The following ATP10A variants were observed in gnomAD, a reference collection of about 807,000 sequenced individuals.
The protein encoded by ATP10A is phospholipid-transporting ATPase VA.
Under a neutral mutation model 147.8 loss-of-function variants are expected in ATP10A, and 111 were observed. The observed-to-expected ratio is 0.75, with a 90% confidence interval of 0.64 to 0.88. The LOEUF is 0.88. Ranked by LOEUF, ATP10A falls within the 40% of genes least tolerant of loss-of-function variation. The probability of loss-of-function intolerance (pLI) is 0.00; values close to 1 mark genes in which losing one functional copy is unlikely to be tolerated. For missense variants in ATP10A, 1,927 were observed against 1,959.0 expected (o/e 0.98, Z 0.31); for synonymous variants, 875 against 841.6 (o/e 1.04, Z -0.69).
At position 25,688,815 on chromosome 15, in the gene ATP10A, A is replaced by G. The variant is rs571382458; in HGVS notation, c.3166-987T>C. ...TTCTGAACCAAAAGTTAAGGATTTC[A>G]AAGCAAATGTCCCTCTACCTCTTGC... On this transcript the variant is annotated intron_variant, in intron 15 of 20. Transcript: ENST00000555815. Among the ~76,000 whole-genome samples, 3 of 152,356 alleles carry G rather than the reference A, an allele frequency of 2.0e-5. No individual in the cohort carries two copies. The East Asian group carries it at 5.8e-4, about 29-fold the overall frequency.
At chr15:25,829,404 GTCTTAAATA>G (rs1362112463) in intron 1 of ATP10A, among the ~76,000 whole-genome samples, 1 of 152,152 alleles carries the variant, frequency 6.6e-6, no homozygotes, top group Non-Finnish European at 1.5e-5. Flanking sequence ...CAGGAAAAAT[GTCTTAAATA>G]TGTGAATAAA....
At position 25,799,244 on chromosome 15, in the gene ATP10A, T is replaced by A. The variant is rs1367168021; in HGVS notation, c.450-18021A>T. Among the ~76,000 whole-genome samples, 3 of 152,204 alleles carry A rather than the reference T, an allele frequency of 2.0e-5. No individual in the cohort carries two copies. The East Asian group carries it at 5.8e-4, about 29-fold the overall frequency. ...CCAGAAAGGTGAGCAGCTTTCATCC[T>A]GGGCTCTCCCCTCTCACATCCCTGC... On this transcript the variant is annotated intron_variant, in intron 1 of 20. Transcript: ENST00000555815.
intron 1 of ATP10A, among the ~76,000 whole-genome samples, chr15:25,806,145 C>A (rs1383122691): frequency 6.6e-6 from 1 of 152,086 alleles, no homozygotes; most frequent in Admixed American, 6.5e-5. Flanking sequence ...GTGTGCCTGG[C>A]TCTCCTGCCT....
intron 1 of ATP10A, chr15:25,862,128 T>C (rs540720676): frequency 1.6e-5 from 6 of 373,522 alleles, no homozygotes; most frequent in African/African-American, 1.3e-4. Flanking sequence ...TTATTTCCCC[T>C]GCCCTGGTAC....
At chr15:25,808,081 CTT>C (rs1237074603) in intron 1 of ATP10A, among the ~76,000 whole-genome samples, 1 of 152,188 alleles carries the variant, frequency 6.6e-6, no homozygotes, top group African/African-American at 2.4e-5. Context: ...AGATTTAACT[CTT>C]TGTTTTCATG....
chr15:25,804,673 T>C (rs548006210), intron 1 of ATP10A, among the ~76,000 whole-genome samples: 2 of 152,266 alleles, frequency 1.3e-5, no homozygotes, highest in South Asian at 4.1e-4. Context: ...AGCATCTCAC[T>C]CCTGTGAGCT....
chr15:25,798,051 A>T (rs1208355796), intron 1 of ATP10A, among the ~76,000 whole-genome samples: 1 of 152,090 alleles, frequency 6.6e-6, no homozygotes, highest in Non-Finnish European at 1.5e-5. Flanking sequence ...AGGGTCACAA[A>T]TCTGGAATCC....
intron 1 of ATP10A, among the ~76,000 whole-genome samples, chr15:25,827,692 T>C (rs905888202): frequency 6.6e-6 from 1 of 152,012 alleles, no homozygotes; most frequent in Non-Finnish European, 1.5e-5. Flanking sequence ...CACAAGCAAA[T>C]ATCTATTTGA....
chr15:25,796,873 C>T (rs1175958554), intron 1 of ATP10A, among the ~76,000 whole-genome samples: 1 of 152,146 alleles, frequency 6.6e-6, no homozygotes, highest in Non-Finnish European at 1.5e-5. Context: ...ATTTTAATTG[C>T]CAAATAATAA....
At chr15:25,826,932 A>C (rs1005188177) in intron 1 of ATP10A, among the ~76,000 whole-genome samples, 10 of 152,262 alleles carry the variant, frequency 6.6e-5, no homozygotes, top group African/African-American at 2.2e-4. Flanking sequence ...AGAGATCTAA[A>C]CTTATACACA....
At chr15:25,689,567 T>C (rs1567302032) in intron 15 of ATP10A, among the ~76,000 whole-genome samples, 1 of 152,128 alleles carries the variant, frequency 6.6e-6, no homozygotes, top group Non-Finnish European at 1.5e-5. Flanking sequence ...CTGACTAAAA[T>C]GCAAGCAACA....
chr15:25,674,086 GT>G (rs1899092566), downstream of ATP10A, among the ~76,000 whole-genome samples: 1 of 152,220 alleles, frequency 6.6e-6, no homozygotes, highest in Non-Finnish European at 1.5e-5. Flanking sequence ...CTTGGTGTGT[GT>G]CCCCAGCCTG....
chr15:25,817,570 T>C (rs189161432), intron 1 of ATP10A, among the ~76,000 whole-genome samples: 6 of 152,348 alleles, frequency 3.9e-5, no homozygotes, highest in African/African-American at 1.4e-4. Context: ...ATAAGATTGA[T>C]AAAATAATTT....
At position 25,713,861 on chromosome 15, in the gene ATP10A, G is replaced by A. The variant is rs752430251; in HGVS notation, c.2157C>T (p.His719=). 3.7e-5 allele frequency: 60 copies of A among 1,613,894 alleles called. No homozygotes were observed. Among genetic ancestry groups the A allele is most frequent in the South Asian group, 6.6e-5 (6 of 91,092 alleles). Residue 719 remains histidine, a synonymous_variant, in exon 10 of 21, where the codon CAC becomes CAT. Transcript: ENST00000555815. The part of the protein sequence containing the change: ...AYNCVLVERL[H]DQVSVELPHL... ...GGGGCAGCTCCACTGACACTTGGTC[G>A]TGCAGCCGCTCCACAAGCACGCAGT... is the stretch of plus-strand genomic sequence containing the variant.
At chr15:25,724,945 C>T (rs1160215186) in intron 5 of ATP10A, among the ~76,000 whole-genome samples, 1 of 152,144 alleles carries the variant, frequency 6.6e-6, no homozygotes, top group East Asian at 1.9e-4. Flanking sequence ...ATGACATTTA[C>T]ATCGTATTAG....
chr15:25,713,545 C>G, intron 10 of ATP10A, 129 bp downstream of exon 10: 1 of 999,440 alleles, frequency 1.0e-6, no homozygotes, highest in Non-Finnish European at 1.5e-6. Context: ...CCATGCAATT[C>G]TCCAATGGGC....
intron 9 of ATP10A, among the ~76,000 whole-genome samples, chr15:25,715,497 T>A (rs576763967): frequency 6.6e-6 from 1 of 152,352 alleles, no homozygotes; most frequent in African/African-American, 2.4e-5. Context: ...ATTTAACATC[T>A]GTCAGTCAGG....
At chr15:25,742,843 C>T (rs554217815) in intron 2 of ATP10A, among the ~76,000 whole-genome samples, 1 of 152,302 alleles carries the variant, frequency 6.6e-6, no homozygotes, top group Non-Finnish European at 1.5e-5. Flanking sequence ...CAGGGTGTCC[C>T]TGCATGAAAC....
chr15:25,693,546 C>G (rs1169439502), intron 14 of ATP10A, among the ~76,000 whole-genome samples: 4 of 58,246 alleles, frequency 6.9e-5, no homozygotes, highest in Non-Finnish European at 1.9e-4. Flanking sequence ...CTCGTGCTCC[C>G]AGGGAAGGAC....
Sources: allele counts gnomAD v4.1 joint callset (sites outside exome capture counted in the v4.1 genomes callset), GRCh38; gene constraint gnomAD v4.1.1; transcripts MANE v1.5; gene names NCBI Gene and HGNC (gene_info 2026-07-23, HGNC 2026-07-21).